The following PDE4D variants were observed in gnomAD, a reference collection of about 807,000 sequenced individuals.
PDE4D encodes phosphodiesterase 4D.
PDE4D carries 24 observed loss-of-function variants against 87.4 expected under a neutral mutation model. The ratio of observed to expected loss-of-function variants is 0.27; its 90% CI spans 0.20 to 0.39. The LOEUF (loss-of-function observed/expected upper bound fraction) is 0.39. Among genes scored for constraint, PDE4D ranks in the 10% least tolerant of loss-of-function variants. PDE4D has a pLI of 1.00. For missense variants in PDE4D, 714 were observed against 1,041.0 expected, an observed-to-expected ratio of 0.69 and a Z score of 4.32; for synonymous variants, 384 against 383.2, an observed-to-expected ratio of 1.00 and a Z score of -0.02.
intron 1 of PDE4D, among the ~76,000 whole-genome samples, chr5:60,288,717 A>G (rs1327164505): frequency 6.6e-6 from 1 of 152,208 alleles, no homozygotes; most frequent in African/African-American, 2.4e-5. Flanking sequence ...GAGGTTTCTC[A>G]TTTACAATGA....
At chr5:59,187,516 T>C (rs1475150903) in intron 3 of PDE4D, among the ~76,000 whole-genome samples, 1 of 152,218 alleles carries the variant, frequency 6.6e-6, no homozygotes, top group Admixed American at 6.5e-5. Context: ...CTGTTCATTT[T>C]AGTATTATTC....
intron 1 of PDE4D, among the ~76,000 whole-genome samples, chr5:59,353,042 C>T (rs905237835): frequency 6.6e-6 from 1 of 152,150 alleles, no homozygotes; most frequent in Non-Finnish European, 1.5e-5. Flanking sequence ...CTGTGGAATG[C>T]TATGGAATAA....
intron 11 of PDE4D, among the ~76,000 whole-genome samples, chr5:58,983,244 G>A (rs1368142760): frequency 6.6e-6 from 1 of 152,256 alleles, no homozygotes; most frequent in African/African-American, 2.4e-5. Flanking sequence ...CAGGCCCTCT[G>A]TCAACTACTT....
chr5:60,290,660 C>G (rs1422326411), intron 1 of PDE4D, among the ~76,000 whole-genome samples: 1 of 152,020 alleles, frequency 6.6e-6, no homozygotes, highest in Non-Finnish European at 1.5e-5. Context: ...AAAAAGTTAG[C>G]TGTGCATGGT....
intron 2 of PDE4D, among the ~76,000 whole-genome samples, chr5:59,993,816 A>G (rs1763257232): frequency 2.6e-5 from 4 of 152,084 alleles, no homozygotes; most frequent in Admixed American, 2.0e-4. Flanking sequence ...GATATGCAAT[A>G]TCAAAATAAA....
intron 1 of PDE4D, among the ~76,000 whole-genome samples, chr5:60,315,034 A>G (rs1183456569): frequency 6.6e-6 from 1 of 152,190 alleles, no homozygotes; most frequent in Non-Finnish European, 1.5e-5. Context: ...AGGTATTTCT[A>G]GTTCTAGATC....
chr5:60,316,461 A>G (rs1755609611), intron 1 of PDE4D, among the ~76,000 whole-genome samples: 1 of 152,130 alleles, frequency 6.6e-6, no homozygotes, highest in Admixed American at 6.5e-5. Context: ...TGTTTTCCTA[A>G]TTGAATACCC....
chr5:59,529,610 T>A (rs1013368926), intron 1 of PDE4D, among the ~76,000 whole-genome samples: 1 of 152,204 alleles, frequency 6.6e-6, no homozygotes, highest in African/African-American at 2.4e-5. Context: ...AAAAGTTTGT[T>A]TCCTTCCCAA....
chr5:59,075,076 AC>A lies in PDE4D; in HGVS notation c.809-36106del, dbSNP rs1392146976. Among the ~76,000 whole-genome samples the A allele has an allele frequency of 1.9e-4, 5 of 26,800 alleles. No individual in the cohort carries two copies. In the African/African-American group the frequency reaches 2.6e-3, roughly 14 times the overall value. The allele number at this position is 26,800 out of a possible 152,430, so 17.6% of individuals were successfully genotyped here. A position where few individuals can be genotyped will look rare whatever the true frequency, so the allele number is the denominator to read the frequency against. On this transcript the variant is annotated intron_variant, in intron 5 of 14. Coordinates refer to ENST00000340635, the MANE Select transcript of PDE4D (RefSeq NM_001104631.2). ...TGAGAAGGAGTAAAAAGCTTACAAAACACACACACACACACACACACACACA... is the reference window on the plus strand; with the variant it reads ...TGAGAAGGAGTAAAAAGCTTACAAAAACACACACACACACACACACACACA...
chr5:59,053,338 G>T (rs1761819800), intron 5 of PDE4D, among the ~76,000 whole-genome samples: 1 of 147,406 alleles, frequency 6.8e-6, no homozygotes, highest in Non-Finnish European at 1.5e-5. Flanking sequence ...TCTTCCAATT[G>T]TCTGAAAACA....
intron 1 of PDE4D, among the ~76,000 whole-genome samples, chr5:59,252,847 A>C (rs1760241340): frequency 6.6e-6 from 1 of 152,126 alleles, no homozygotes; most frequent in Non-Finnish European, 1.5e-5. Context: ...TAGATTTTAA[A>C]TGCCAAAGTG....
chr5:60,521,287 A>G (rs1360739045), intron 1 of PDE4D: 2 of 152,232 alleles, frequency 1.3e-5, no homozygotes, highest in African/African-American at 4.8e-5. Context: ...CTGAGACACA[A>G]AAAAGGACCC....
chr5:60,195,211 T>G (rs928584166), intron 1 of PDE4D, among the ~76,000 whole-genome samples: 2 of 151,622 alleles, frequency 1.3e-5, no homozygotes, highest in African/African-American at 4.8e-5. Flanking sequence ...ACTGCCAGCC[T>G]GACCTAACAT....
chr5:59,110,179 A>G (rs563855131), intron 5 of PDE4D, among the ~76,000 whole-genome samples: 1 of 152,350 alleles, frequency 6.6e-6, no homozygotes, highest in African/African-American at 2.4e-5. Flanking sequence ...TGTAGCTTTT[A>G]AGGAATCAGC....
intron 2 of PDE4D, among the ~76,000 whole-genome samples, chr5:60,150,824 A>C (rs771296366): frequency 6.6e-6 from 1 of 152,196 alleles, no homozygotes; most frequent in Non-Finnish European, 1.5e-5. Context: ...CTGTGAATAC[A>C]GAATAAAAGG....
At chr5:59,792,402 CTGTGTG>C (rs3062592) in intron 1 of PDE4D, among the ~76,000 whole-genome samples, 11 of 138,770 alleles carry the variant, frequency 7.9e-5, no homozygotes, top group African/African-American at 1.7e-4. Context: ...CTCCAAGAAG[CTGTGTG>C]TGTGTGTGTG....
chr5:60,143,100 G>A (rs989937674), intron 2 of PDE4D, among the ~76,000 whole-genome samples: 2 of 152,184 alleles, frequency 1.3e-5, no homozygotes, highest in African/African-American at 4.8e-5. Context: ...AGCTGGGAGT[G>A]AATAAGGAAC....
At chr5:60,201,560 C>T (rs1335519098) in intron 1 of PDE4D, among the ~76,000 whole-genome samples, 2 of 152,220 alleles carry the variant, frequency 1.3e-5, no homozygotes, top group East Asian at 1.9e-4. Flanking sequence ...GTTATCGTCA[C>T]TTTCACACAT....
intron 1 of PDE4D, among the ~76,000 whole-genome samples, chr5:59,492,790 G>A (rs189117226): frequency 8.5e-5 from 13 of 152,242 alleles, no homozygotes; most frequent in African/African-American, 3.1e-4. Flanking sequence ...TCGAATTATG[G>A]GGTGGGTCTT....
Sources: allele counts gnomAD v4.1 joint callset (sites outside exome capture counted in the v4.1 genomes callset), GRCh38; gene constraint gnomAD v4.1.1; transcripts MANE v1.5; gene names NCBI Gene and HGNC (gene_info 2026-07-23, HGNC 2026-07-21).